Variants in DYM observed in about 807,000 individuals in gnomAD.
DYM encodes the protein dymeclin, also known as dyggve-Melchior-Clausen syndrome protein.
Under a neutral mutation model 93.1 loss-of-function variants are expected in DYM, and 78 were observed. The observed-to-expected ratio is 0.84, with a 90% CI of 0.70 to 1.01. The LOEUF (loss-of-function observed/expected upper bound fraction) is 1.01, where lower values mean the gene tolerates loss of function less well. Among genes scored for constraint, DYM ranks in the 50% least tolerant of loss-of-function variants. The probability of loss-of-function intolerance (pLI) is 0.00; values close to 1 mark genes in which losing one functional copy is unlikely to be tolerated. For synonymous variants in DYM, 321 were observed against 319.7 expected (o/e 1.00, Z -0.04); for missense variants, 789 against 845.0 (o/e 0.93, Z 0.82).
At chr18:49,205,215 G>A (rs2092409064) in intron 14 of DYM, among the ~76,000 whole-genome samples, 1 of 152,150 alleles carries the variant, frequency 6.6e-6, no homozygotes, top group South Asian at 2.1e-4. Context: ...ACCTGCCTCA[G>A]CCTCCCAAAC....
chr18:49,293,181 T>G (rs998927355), intron 8 of DYM, among the ~76,000 whole-genome samples: 7 of 152,220 alleles, frequency 4.6e-5, no homozygotes, highest in African/African-American at 1.7e-4. Flanking sequence ...CTGCATAGTA[T>G]TCCATGGTAT....
chr18:49,390,990 A>C (rs2069182045), intron 3 of DYM, among the ~76,000 whole-genome samples: 1 of 152,242 alleles, frequency 6.6e-6, no homozygotes, highest in Admixed American at 6.5e-5. Flanking sequence ...GCATTTGAGA[A>C]ACAAGACCTG....
chr18:49,146,230 C>T (rs1390505612), intron 15 of DYM, among the ~76,000 whole-genome samples: 2 of 152,190 alleles, frequency 1.3e-5, no homozygotes, highest in Admixed American at 1.3e-4. Context: ...AAACCCACAG[C>T]TGATATCATA....
chr18:49,201,276 T>G (rs887599762), intron 14 of DYM, among the ~76,000 whole-genome samples: 1 of 152,208 alleles, frequency 6.6e-6, no homozygotes, highest in African/African-American at 2.4e-5. Flanking sequence ...CTACACCATT[T>G]CAATGTTGAA....
intron 17 of DYM, among the ~76,000 whole-genome samples, chr18:49,094,024 G>A (rs900639480): frequency 6.6e-6 from 1 of 152,092 alleles, no homozygotes; most frequent in Non-Finnish European, 1.5e-5. Context: ...ATGAAGTTTG[G>A]TTAATGTCAA....
intron 6 of DYM, among the ~76,000 whole-genome samples, chr18:49,346,991 G>A (rs2064657110): frequency 6.6e-6 from 1 of 152,186 alleles, no homozygotes; most frequent in South Asian, 2.1e-4. Flanking sequence ...GTTGGGCAAA[G>A]TCATCTAACA....
intron 17 of DYM, among the ~76,000 whole-genome samples, chr18:49,090,399 A>G (rs932270663): frequency 1.3e-5 from 2 of 152,248 alleles, no homozygotes; most frequent in African/African-American, 4.8e-5. Context: ...TTCAGGAAAG[A>G]GAGAAAACAA....
At chr18:49,344,477 A>G (rs2078791668) in intron 6 of DYM, among the ~76,000 whole-genome samples, 3 of 152,192 alleles carry the variant, frequency 2.0e-5, no homozygotes, top group South Asian at 2.1e-4. Flanking sequence ...TACGAATAAA[A>G]ATACAAGATT....
chr18:49,245,475 G>T (rs2094142924), intron 13 of DYM, among the ~76,000 whole-genome samples: 1 of 152,122 alleles, frequency 6.6e-6, no homozygotes, highest in African/African-American at 2.4e-5. Context: ...TATATAGATG[G>T]CCACTCTGGG....
intron 3 of DYM, among the ~76,000 whole-genome samples, chr18:49,384,891 T>A: frequency 1.4e-5 from 2 of 137,996 alleles, no homozygotes; most frequent in Non-Finnish European, 3.2e-5. Flanking sequence ...GAGAAGAAAC[T>A]AAAACACAAA....
At chr18:49,213,542 C>T (rs1285074038) in intron 13 of DYM, among the ~76,000 whole-genome samples, 1 of 152,118 alleles carries the variant, frequency 6.6e-6, no homozygotes, top group South Asian at 2.1e-4. Context: ...TCTTGAAATC[C>T]TGACCTCAGG....
intron 13 of DYM, among the ~76,000 whole-genome samples, chr18:49,255,757 C>G (rs1026117093): frequency 2.0e-5 from 3 of 151,676 alleles, no homozygotes; most frequent in African/African-American, 7.3e-5. Flanking sequence ...CACTGGGGTT[C>G]TATTTGAGAC....
chr18:49,314,756 C>T (rs1232213171), intron 8 of DYM, among the ~76,000 whole-genome samples: 1 of 152,182 alleles, frequency 6.6e-6, no homozygotes, highest in Non-Finnish European at 1.5e-5. Context: ...TAGCTCCACA[C>T]AGAACCAGCA....
At chr18:49,377,256 A>G (rs1181737321) in intron 5 of DYM, among the ~76,000 whole-genome samples, 1 of 152,146 alleles carries the variant, frequency 6.6e-6, no homozygotes, top group Non-Finnish European at 1.5e-5. Flanking sequence ...ACTTCCCCAT[A>G]ATATTGTTTT....
In DYM at chr18:49,424,882, C is replaced by T. The variant is rs528226602; in HGVS notation, c.140+5373G>A. Among the ~76,000 whole-genome samples the T allele has an allele frequency of 2.2e-4, 33 of 152,016 alleles. No individual in the cohort carries two copies. In the East Asian group the frequency reaches 4.1e-3, roughly 19 times the overall value. ...AGGAGAATTACAAACCACTGCTCAA[C>T]GAAATAAAAGAGGACACAAACAAAT... On this transcript the variant is annotated intron_variant, in intron 2 of 17. Transcript: ENST00000675505.
intron 8 of DYM, among the ~76,000 whole-genome samples, chr18:49,326,820 G>A (rs977510307): frequency 6.6e-6 from 1 of 152,056 alleles, no homozygotes; most frequent in African/African-American, 2.4e-5. Context: ...TATTTTTATT[G>A]ACGTAGAAGC....
At chr18:49,459,582 T>C (rs2083297167) in intron 1 of DYM, among the ~76,000 whole-genome samples, 2 of 152,064 alleles carry the variant, frequency 1.3e-5, no homozygotes, top group Non-Finnish European at 2.9e-5. Context: ...ACCCTTGCTC[T>C]ACACACCCCT....
intron 6 of DYM, among the ~76,000 whole-genome samples, chr18:49,350,548 A>ATACAAAAC (rs2065018192): frequency 6.6e-6 from 1 of 152,028 alleles, no homozygotes; most frequent in Non-Finnish European, 1.5e-5. Flanking sequence ...TCTACTAAAA[A>ATACAAAAC]TACAAAACTA....
chr18:49,276,156 G>A (rs1043393832), intron 10 of DYM, among the ~76,000 whole-genome samples: 3 of 151,970 alleles, frequency 2.0e-5, no homozygotes, highest in Non-Finnish European at 4.4e-5. Context: ...CTGATCTCGG[G>A]GAGAAAGAAA....
Sources: allele counts gnomAD v4.1 joint callset (sites outside exome capture counted in the v4.1 genomes callset), GRCh38; gene constraint gnomAD v4.1.1; transcripts MANE v1.5; gene names NCBI Gene and HGNC (gene_info 2026-07-23, HGNC 2026-07-21).